STK32B: variants seen among roughly 807,000 people sequenced by gnomAD.
STK32B encodes serine/threonine kinase 32B.
STK32B carries 43 observed loss-of-function variants against 52.6 expected under a neutral mutation model. The ratio of observed to expected loss-of-function variants is 0.82; its 90% CI spans 0.64 to 1.05. The LOEUF (loss-of-function observed/expected upper bound fraction) is 1.05, where lower values mean the gene tolerates loss of function less well. Among genes scored for constraint, STK32B ranks in the 50% least tolerant of loss-of-function variants. The probability of loss-of-function intolerance (pLI) is 0.00; values close to 1 mark genes in which losing one functional copy is unlikely to be tolerated. For synonymous variants in STK32B, 238 were observed against 204.3 expected, an observed-to-expected ratio of 1.17 and a Z score of -1.41; for missense variants, 621 against 534.6, an observed-to-expected ratio of 1.16 and a Z score of -1.59.
chr4:5,376,260 T>C (rs895793870), intron 4 of STK32B, among the ~76,000 whole-genome samples: 2 of 152,224 alleles, frequency 1.3e-5, no homozygotes, highest in African/African-American at 4.8e-5. Flanking sequence ...TCCCTGTGGA[T>C]TTATGCTTCC....
chr4:5,346,425 T>A lies in STK32B; in HGVS notation c.434+15032T>A, dbSNP rs565371054. On this transcript the variant is annotated intron_variant, in intron 4 of 11. Coordinates refer to ENST00000282908, the MANE Select transcript of STK32B (RefSeq NM_018401.3). ...GGGTCCAAGTCTGGGTTCCTTCTGATGAGCAGTGGAGTTTGTAAACAAACA... is the reference window on the plus strand; with the variant it reads ...GGGTCCAAGTCTGGGTTCCTTCTGAAGAGCAGTGGAGTTTGTAAACAAACA... 9.8e-5 allele frequency among the ~76,000 whole-genome samples: 15 copies of A among 152,328 alleles called. 1 individual carries two copies. Among genetic ancestry groups the A allele is most frequent in the African/African-American group, 2.9e-4 (12 of 41,564 alleles).
In STK32B at chr4:5,152,652, G is replaced by A. The variant is rs567074856; in HGVS notation, c.108+12692G>A. Among the ~76,000 whole-genome samples, 35 of 152,374 alleles carry A rather than the reference G, an allele frequency of 2.3e-4. No homozygotes were observed. In the South Asian group the frequency reaches 6.0e-3, roughly 26 times the overall value. ...AGATGAAAAGCTAATGCGTGGATAC[G>A]CAGTTCTCATTCGGTGACAGTGGAG... On this transcript the variant is annotated intron_variant, in intron 2 of 11. Coordinates refer to ENST00000282908, the MANE Select transcript of STK32B (RefSeq NM_018401.3).
At chr4:5,305,137 G>C (rs941999123) in intron 3 of STK32B, among the ~76,000 whole-genome samples, 1 of 152,028 alleles carries the variant, frequency 6.6e-6, no homozygotes, top group Admixed American at 6.6e-5. Context: ...AGGGATATTG[G>C]TCTGTAGTTT....
chr4:5,435,238 G>A (rs1713952415), intron 6 of STK32B, among the ~76,000 whole-genome samples: 1 of 152,220 alleles, frequency 6.6e-6, no homozygotes, highest in Non-Finnish European at 1.5e-5. Context: ...AGGCCTTGGG[G>A]AATTGTATTC....
At chr4:5,032,293 G>A in the STK32B span, among the ~76,000 whole-genome samples, 1 of 151,548 alleles carries the variant, frequency 6.6e-6, no homozygotes, top group South Asian at 2.1e-4. Context: ...GGACAACGTG[G>A]TGAAACCCCG....
At chr4:5,247,632 GA>G (rs1274036099) in intron 3 of STK32B, among the ~76,000 whole-genome samples, 1 of 152,144 alleles carries the variant, frequency 6.6e-6, no homozygotes, top group Non-Finnish European at 1.5e-5. Flanking sequence ...ACCTCAGTTG[GA>G]AATGCAGAAA....
chr4:5,221,246 C>T (rs1723517724), intron 3 of STK32B, among the ~76,000 whole-genome samples: 1 of 152,128 alleles, frequency 6.6e-6, no homozygotes, highest in Admixed American at 6.5e-5. Flanking sequence ...GCATCTCTAC[C>T]TTCACAAGTA....
intron 3 of STK32B, among the ~76,000 whole-genome samples, chr4:5,325,330 T>C (rs201539948): frequency 1.2e-5 from 1 of 80,352 alleles, no homozygotes; most frequent in African/African-American, 1.9e-4. Flanking sequence ...TAAACAATTG[T>C]TTTTTTTTTC....
At chr4:5,035,853 C>G in the STK32B span, among the ~76,000 whole-genome samples, 1 of 150,428 alleles carries the variant, frequency 6.6e-6, no homozygotes, top group South Asian at 2.1e-4. Flanking sequence ...GCGATCTTGG[C>G]TCACTGCAAC....
chr4:5,199,889 T>C (rs568384745), intron 3 of STK32B, among the ~76,000 whole-genome samples: 2 of 152,306 alleles, frequency 1.3e-5, no homozygotes, highest in East Asian at 3.9e-4. Flanking sequence ...AATACTGCTT[T>C]TCCTGGGGAA....
chr4:5,420,085 A>G (rs1293617156), intron 6 of STK32B, among the ~76,000 whole-genome samples: 1 of 152,086 alleles, frequency 6.6e-6, no homozygotes, highest in Non-Finnish European at 1.5e-5. Flanking sequence ...TTTCCATTTT[A>G]GAGTTAAGGA....
chr4:5,438,445 T>TA (rs1041842331), intron 6 of STK32B, among the ~76,000 whole-genome samples: 3 of 152,100 alleles, frequency 2.0e-5, no homozygotes, highest in Non-Finnish European at 4.4e-5. Context: ...ATGCTGAAAA[T>TA]ACAAAACACA....
chr4:5,342,274 A>G (rs1733135205), intron 4 of STK32B, among the ~76,000 whole-genome samples: 1 of 152,174 alleles, frequency 6.6e-6, no homozygotes, highest in Non-Finnish European at 1.5e-5. Context: ...GTCACTATTC[A>G]CAACAGCAAA....
chr4:5,080,927 T>A (rs540526866), intron 1 of STK32B, among the ~76,000 whole-genome samples: 16 of 152,310 alleles, frequency 1.1e-4, no homozygotes, highest in Non-Finnish European at 2.1e-4. Flanking sequence ...GGAAAGTCTG[T>A]ACCTTTTAGC....
At chr4:5,434,763 C>T (rs1342034555) in intron 6 of STK32B, among the ~76,000 whole-genome samples, 2 of 152,114 alleles carry the variant, frequency 1.3e-5, no homozygotes, top group Non-Finnish European at 2.9e-5. Context: ...TCTAGAAGTG[C>T]TCTCTAAACA....
chr4:5,243,578 C>G lies in STK32B; in HGVS notation c.260+75128C>G, dbSNP rs534958862. On this transcript the variant is annotated intron_variant, in intron 3 of 11. Coordinates refer to ENST00000282908, the MANE Select transcript of STK32B (RefSeq NM_018401.3). ...AATTGAATGCCCCTTATTTCCTTCT[C>G]CTGCCTGATTGCCCTGGCCAGAACC... Among the ~76,000 whole-genome samples, 14 of 152,262 alleles carry G rather than the reference C, an allele frequency of 9.2e-5. No individual in the cohort carries two copies. In the South Asian group the frequency reaches 2.9e-3, roughly 32 times the overall value.
At chr4:5,486,495 G>C (rs940532284) in intron 11 of STK32B, among the ~76,000 whole-genome samples, 1 of 152,216 alleles carries the variant, frequency 6.6e-6, no homozygotes, top group Non-Finnish European at 1.5e-5. Context: ...CCCTTTCTTT[G>C]ACTAGGAAAG....
chr4:5,139,832 A>C (rs1716295556), intron 1 of STK32B, 73 bp from the exon 2 acceptor site: 1 of 1,568,220 alleles, frequency 6.4e-7, no homozygotes, highest in Non-Finnish European at 8.8e-7. Flanking sequence ...GTAGGTACAT[A>C]GGTAAGGATA....
At chr4:5,048,538 C>A (rs1249015828), upstream of STK32B, among the ~76,000 whole-genome samples, 1 of 152,186 alleles carries the variant, frequency 6.6e-6, no homozygotes, top group Non-Finnish European at 1.5e-5. Context: ...CTTAGGTAAT[C>A]CACCCACCTT....
Sources: gnomAD v4.1 joint callset for allele counts (sites outside exome capture counted in the v4.1 genomes callset) on GRCh38, gnomAD v4.1.1 for gene constraint, MANE v1.5 for transcripts, NCBI Gene and HGNC (gene_info 2026-07-23, HGNC 2026-07-21) for gene names.